Variants in NRXN3 observed in about 807,000 individuals in gnomAD.
NRXN3 encodes neurexin 3, also known as neurexin III.
Under a neutral mutation model 137.6 loss-of-function variants are expected in NRXN3, and 32 were observed. The observed-to-expected ratio is 0.23, with a 90% CI of 0.18 to 0.31. The LOEUF (loss-of-function observed/expected upper bound fraction) is 0.31. NRXN3 is among the 10% of genes least tolerant of loss of function. The pLI is 1.00. For missense variants in NRXN3, 1,574 were observed against 2,062.5 expected (o/e 0.76, Z 4.59); for synonymous variants, 798 against 784.5 (o/e 1.02, Z -0.29).
chr14:79,236,150 T>C (rs960976043), intron 15 of NRXN3, among the ~76,000 whole-genome samples: 3 of 152,170 alleles, frequency 2.0e-5, no homozygotes, highest in South Asian at 2.1e-4. Context: ...AAATGAGTTA[T>C]ATTTATAAAC....
chr14:78,224,750 C>CTTTTTTTTTTTTTT lies in NRXN3; in HGVS notation c.-703-17627_-703-17614dup, dbSNP rs35800837. On this transcript the variant is annotated intron_variant, in intron 1 of 20. Coordinates refer to ENST00000335750, the MANE Select transcript of NRXN3 (RefSeq NM_001330195.2). ...ACAATAAACATACGTGTGCATGTGTCTTTTTTTTTTTTTTTTTTTTTTTTT... is the reference window on the plus strand; with the variant it reads ...ACAATAAACATACGTGTGCATGTGTCTTTTTTTTTTTTTTTTTTTTTTTTTTTTTTTTTTTTTTT... 1.1e-4 allele frequency among the ~76,000 whole-genome samples: 7 copies of CTTTTTTTTTTTTTT among 64,844 alleles called. 3 individuals carry two copies. Among genetic ancestry groups the CTTTTTTTTTTTTTT allele is most frequent in the South Asian group, 1.7e-3 (2 of 1,208 alleles). The allele number at this position is 64,844 out of a possible 152,430, so 42.5% of individuals were successfully genotyped here. A position where few individuals can be genotyped will look rare whatever the true frequency, so the allele number is the denominator to read the frequency against.
At chr14:79,847,282 G>A (rs79904930) in intron 20 of NRXN3, among the ~76,000 whole-genome samples, 2,864 of 152,232 alleles carry the variant, frequency 0.019, 44 homozygotes, top group Non-Finnish European at 0.03. Flanking sequence ...AATTCTTAAA[G>A]CTTGAATACA....
intron 15 of NRXN3, among the ~76,000 whole-genome samples, chr14:79,332,399 C>T (rs569371122): frequency 1.3e-5 from 2 of 152,260 alleles, no homozygotes; most frequent in Admixed American, 6.5e-5. Flanking sequence ...CAGTATGCAC[C>T]GGTAGTTCCA....
rs2098424514 is a variant in NRXN3, at chr14:78,714,888, T to C, written c.1793T>C (p.Leu598Pro). 6.2e-7 allele frequency: 1 copy of C among 1,614,138 alleles called. No homozygotes were observed. Among genetic ancestry groups the C allele is most frequent in the Non-Finnish European group, 8.5e-7 (1 of 1,180,024 alleles). ...NRAGLILPTE[L>P]WTAMLNYGYV... ...GCTGGCCTTATTCTCCCCACCGAGC[T>C]GTGGACTGCCATGCTCAACTATGGC... is the stretch of plus-strand genomic sequence containing the variant. Residue 598 changes from leucine to proline, a missense_variant, in exon 8 of 21, where the codon CTG (leucine) becomes CCG (proline). By Grantham distance (98) the Leu-to-Pro change is moderately conservative. Coordinates refer to ENST00000335750, the MANE Select transcript of NRXN3 (RefSeq NM_001330195.2).
intron 8 of NRXN3, among the ~76,000 whole-genome samples, chr14:78,727,665 G>A (rs28728169): frequency 0.51 from 77,573 of 151,908 alleles, 23,249 homozygotes; most frequent in Non-Finnish European, 0.65. Flanking sequence ...AACCCAGGAG[G>A]CAGAGGTTGT....
intron 1 of NRXN3, among the ~76,000 whole-genome samples, chr14:78,205,731 G>T (rs995598341): frequency 3.9e-5 from 6 of 152,194 alleles, no homozygotes; most frequent in African/African-American, 1.4e-4. Flanking sequence ...AAAGGGCCTT[G>T]CCTGCCAGGC....
chr14:78,853,263 T>C (rs1332394588), intron 10 of NRXN3, among the ~76,000 whole-genome samples: 1 of 152,158 alleles, frequency 6.6e-6, no homozygotes, highest in Non-Finnish European at 1.5e-5. Context: ...TTCCCCTTCC[T>C]CTGTCCAAGA....
chr14:79,790,530 A>T (rs922035865), intron 19 of NRXN3, among the ~76,000 whole-genome samples: 1 of 151,492 alleles, frequency 6.6e-6, no homozygotes. Flanking sequence ...GCTGGTCTCA[A>T]ACTTCTGAGT....
intron 15 of NRXN3, among the ~76,000 whole-genome samples, chr14:79,234,312 A>ATTATATAT (rs2072878698): frequency 2.9e-5 from 3 of 102,622 alleles, no homozygotes; most frequent in African/African-American, 1.4e-4. Context: ...ATATATATAT[A>ATTATATAT]TATATATATA....
At chr14:78,651,442 GCAGA>G in intron 6 of NRXN3, 116 bp downstream of exon 6, 1 of 1,202,178 alleles carries the variant, frequency 8.3e-7, no homozygotes, top group Non-Finnish European at 1.2e-6. Flanking sequence ...ATAGATTGCA[GCAGA>G]AACAACCTTG....
At chr14:79,430,722 T>A in intron 15 of NRXN3, among the ~76,000 whole-genome samples, 1 of 152,192 alleles carries the variant, frequency 6.6e-6, no homozygotes, top group East Asian at 1.9e-4. Flanking sequence ...ACTGTCTCCA[T>A]GAAGATGTTT....
chr14:79,047,421 G>T (rs1486175160), intron 15 of NRXN3, among the ~76,000 whole-genome samples: 1 of 152,036 alleles, frequency 6.6e-6, no homozygotes, highest in Non-Finnish European at 1.5e-5. Flanking sequence ...GTATATAAAA[G>T]AAAGTATCAA....
At chr14:79,138,378 C>T (rs1330833114) in intron 15 of NRXN3, among the ~76,000 whole-genome samples, 3 of 152,216 alleles carry the variant, frequency 2.0e-5, no homozygotes, top group African/African-American at 4.8e-5. Flanking sequence ...TGCTTTCTAA[C>T]TCTTGGGCAC....
chr14:79,010,633 A>G (rs564415798), intron 15 of NRXN3, among the ~76,000 whole-genome samples: 5 of 152,212 alleles, frequency 3.3e-5, no homozygotes, highest in Non-Finnish European at 7.3e-5. Flanking sequence ...TAATAACAAA[A>G]TTTATAAGAA....
At chr14:79,625,464 A>T (rs117876058) in intron 16 of NRXN3, among the ~76,000 whole-genome samples, 1 of 152,162 alleles carries the variant, frequency 6.6e-6, no homozygotes, top group Non-Finnish European at 1.5e-5. Context: ...TCCTCTGGGT[A>T]TACCCAGAAG....
chr14:78,496,241 C>T (rs1173578081), intron 4 of NRXN3, among the ~76,000 whole-genome samples: 1 of 152,170 alleles, frequency 6.6e-6, no homozygotes, highest in Non-Finnish European at 1.5e-5. Context: ...GGAAACCTAA[C>T]TCATCAGATC....
At chr14:78,468,782 G>A (rs2095187669) in intron 4 of NRXN3, among the ~76,000 whole-genome samples, 1 of 152,156 alleles carries the variant, frequency 6.6e-6, no homozygotes, top group African/African-American at 2.4e-5. Flanking sequence ...AAATCTATTA[G>A]GAAGTGACAT....
chr14:79,350,012 C>A (rs937966229), intron 15 of NRXN3, among the ~76,000 whole-genome samples: 1 of 152,132 alleles, frequency 6.6e-6, no homozygotes, highest in African/African-American at 2.4e-5. Context: ...GCATCACTAG[C>A]AAACTAATAC....
At chr14:78,909,108 G>A (rs1300716186) in intron 10 of NRXN3, among the ~76,000 whole-genome samples, 3 of 152,234 alleles carry the variant, frequency 2.0e-5, no homozygotes, top group African/African-American at 7.2e-5. Flanking sequence ...TGCCAAAACC[G>A]TCGTACCTAG....
Sources: gnomAD v4.1 joint callset for allele counts (sites outside exome capture counted in the v4.1 genomes callset) on GRCh38, gnomAD v4.1.1 for gene constraint, MANE v1.5 for transcripts, NCBI Gene and HGNC (gene_info 2026-07-23, HGNC 2026-07-21) for gene names.